The following TMEM117 variants were observed in gnomAD, a reference collection of about 807,000 sequenced individuals.
TMEM117 encodes transmembrane protein 117.
In TMEM117, 27 loss-of-function variants were observed where a neutral mutation model predicts 52.4. That is an observed-to-expected ratio of 0.51 (90% CI 0.38 to 0.71). The LOEUF (loss-of-function observed/expected upper bound fraction) is 0.71, where lower values mean the gene tolerates loss of function less well. Ranked by LOEUF, TMEM117 falls within the 30% of genes least tolerant of loss-of-function variation. TMEM117 has a pLI of 0.00. For missense variants in TMEM117, 556 were observed against 630.5 expected, an observed-to-expected ratio of 0.88 and a Z score of 1.26; for synonymous variants, 215 against 206.3, an observed-to-expected ratio of 1.04 and a Z score of -0.36.
At chr12:44,142,952 A>G (rs140545164) in intron 3 of TMEM117, among the ~76,000 whole-genome samples, 101 of 152,350 alleles carry the variant, frequency 6.6e-4, no homozygotes, top group African/African-American at 2.1e-3. Context: ...TGGTATAATT[A>G]CATTCTCTTA....
Position 43,883,690 on chromosome 12 carries a change from T to C in TMEM117, c.277+38762T>C, listed in dbSNP as rs1477690090. On this transcript the variant is annotated intron_variant, in intron 2 of 7. Coordinates refer to ENST00000266534, the MANE Select transcript of TMEM117 (RefSeq NM_032256.3). ...TATGCATATTACCTTCTTTGGAACCTAGTAAAAATGTGAAAAACGTTCAGA... is the reference window on the plus strand; with the variant it reads ...TATGCATATTACCTTCTTTGGAACCCAGTAAAAATGTGAAAAACGTTCAGA... 2.0e-5 allele frequency among the ~76,000 whole-genome samples: 3 copies of C among 151,526 alleles called. No homozygotes were observed. The East Asian group carries it at 5.8e-4, about 29-fold the overall frequency.
intron 1 of TMEM117, among the ~76,000 whole-genome samples, chr12:43,839,168 T>C (rs1943078780): frequency 6.6e-6 from 1 of 152,138 alleles, no homozygotes; most frequent in African/African-American, 2.4e-5. Flanking sequence ...AGTTGCTGCA[T>C]CTTTGGCAAC....
chr12:43,914,466 C>G (rs749674552), intron 2 of TMEM117, among the ~76,000 whole-genome samples: 7 of 152,074 alleles, frequency 4.6e-5, no homozygotes, highest in Admixed American at 1.3e-4. Context: ...TTCGTGGTGC[C>G]CCTTCTATGT....
Position 44,216,484 on chromosome 12 carries a change from A to G in TMEM117, c.608+5097A>G, listed in dbSNP as rs1191825944. On this transcript the variant is annotated intron_variant, in intron 5 of 7. Transcript: ENST00000266534. Reference sequence around the variant, plus strand: ...GGACTGTTTGATACTGTAGCCTAAAATAACCCATTCTGATGTTTACAAAAA... The same window carrying G: ...GGACTGTTTGATACTGTAGCCTAAAGTAACCCATTCTGATGTTTACAAAAA... Among the ~76,000 whole-genome samples the G allele has an allele frequency of 1.3e-5, 2 of 152,154 alleles. 1 individual carries two copies. Among genetic ancestry groups the G allele is most frequent in the African/African-American group, 4.8e-5 (2 of 41,446 alleles).
chr12:44,166,464 C>G (rs534191718), intron 4 of TMEM117, among the ~76,000 whole-genome samples: 1 of 151,920 alleles, frequency 6.6e-6, no homozygotes, highest in Non-Finnish European at 1.5e-5. Context: ...GTGTTTGGAC[C>G]AAATATGCTA....
intron 3 of TMEM117, among the ~76,000 whole-genome samples, chr12:44,028,509 T>C (rs1418746825): frequency 6.6e-6 from 1 of 152,120 alleles, no homozygotes; most frequent in African/African-American, 2.4e-5. Context: ...CAGTTTGCAG[T>C]AAAGAAGCTG....
intron 6 of TMEM117, among the ~76,000 whole-genome samples, chr12:44,373,296 T>C (rs1037117183): frequency 6.6e-6 from 1 of 152,240 alleles, no homozygotes; most frequent in African/African-American, 2.4e-5. Context: ...TACATGTCTC[T>C]GAGGGAGGTG....
chr12:44,030,424 C>G (rs543730985), intron 3 of TMEM117, among the ~76,000 whole-genome samples: 19 of 152,248 alleles, frequency 1.2e-4, no homozygotes, highest in Admixed American at 1.1e-3. Context: ...AGGATAGGCT[C>G]CACACCTAGT....
At chr12:44,153,834 G>A (rs866312029) in intron 4 of TMEM117, among the ~76,000 whole-genome samples, 1 of 151,964 alleles carries the variant, frequency 6.6e-6, no homozygotes, top group African/African-American at 2.4e-5. Flanking sequence ...GAGATTTATA[G>A]CAATGAAGTA....
At chr12:43,824,111 C>T in the TMEM117 span, among the ~76,000 whole-genome samples, 11 of 152,292 alleles carry the variant, frequency 7.2e-5, no homozygotes, top group East Asian at 9.7e-4. Flanking sequence ...ACAAAAGAGA[C>T]TTGAGAAAGT....
chr12:44,207,500 G>T, intron 4 of TMEM117, among the ~76,000 whole-genome samples: 1 of 152,058 alleles, frequency 6.6e-6, no homozygotes, highest in Non-Finnish European at 1.5e-5. Flanking sequence ...TCCTTCCTCT[G>T]ATTTTTAATA....
chr12:44,174,531 A>G (rs1388459270), intron 4 of TMEM117, among the ~76,000 whole-genome samples: 2 of 152,190 alleles, frequency 1.3e-5, no homozygotes, highest in African/African-American at 4.8e-5. Flanking sequence ...TTTATCAATT[A>G]TATTTGTTAC....
chr12:44,084,474 CA>C (rs1332362779), intron 3 of TMEM117, among the ~76,000 whole-genome samples: 2 of 151,972 alleles, frequency 1.3e-5, no homozygotes, highest in Admixed American at 1.3e-4. Flanking sequence ...ATTTAAAATA[CA>C]ACTTTAAAAT....
intron 3 of TMEM117, among the ~76,000 whole-genome samples, chr12:44,012,734 G>T (rs1013959159): frequency 6.6e-6 from 1 of 152,024 alleles, no homozygotes; most frequent in African/African-American, 2.4e-5. Flanking sequence ...TTCGATAAAA[G>T]CCCTTAGCAT....
chr12:44,377,667 C>A (rs887907602), intron 7 of TMEM117, among the ~76,000 whole-genome samples: 1 of 152,168 alleles, frequency 6.6e-6, no homozygotes, highest in African/African-American at 2.4e-5. Context: ...CAAAGCTGTT[C>A]AAATGCAGGT....
At chr12:44,345,531 A>G (rs1164139281) in intron 6 of TMEM117, among the ~76,000 whole-genome samples, 1 of 152,130 alleles carries the variant, frequency 6.6e-6, no homozygotes, top group African/African-American at 2.4e-5. Flanking sequence ...ATGATTAAAT[A>G]AGAAAATATG....
chr12:43,903,170 A>T (rs1944332207), intron 2 of TMEM117, among the ~76,000 whole-genome samples: 1 of 152,218 alleles, frequency 6.6e-6, no homozygotes, highest in Admixed American at 6.5e-5. Flanking sequence ...CAGAAGAAGT[A>T]TTGTATATAT....
At chr12:44,038,915 G>A (rs567863413) in intron 3 of TMEM117, among the ~76,000 whole-genome samples, 3 of 152,268 alleles carry the variant, frequency 2.0e-5, no homozygotes, top group South Asian at 2.1e-4. Context: ...AGCTACAACA[G>A]TATCCATTTC....
chr12:43,798,664 A>G, the TMEM117 span: 1 of 1,377,106 alleles, frequency 7.3e-7, no homozygotes, highest in African/African-American at 1.5e-5. Flanking sequence ...CTCAAATAAT[A>G]TGAATTAAAA....
Sources: allele counts gnomAD v4.1 joint callset (sites outside exome capture counted in the v4.1 genomes callset), GRCh38; gene constraint gnomAD v4.1.1; transcripts MANE v1.5; gene names NCBI Gene and HGNC (gene_info 2026-07-23, HGNC 2026-07-21).